The following SAMD5 variants were observed in gnomAD, a reference collection of about 807,000 sequenced individuals.
The protein encoded by SAMD5 is sterile alpha motif domain containing 5.
Under a neutral mutation model 11.3 loss-of-function variants are expected in SAMD5, and 13 were observed. The observed-to-expected ratio is 1.15, with a 90% CI of 0.75 to 1.83. The LOEUF is 1.83. Among genes scored for constraint, SAMD5 ranks in the 40% most tolerant of loss-of-function variants. The pLI, the probability that SAMD5 is intolerant of heterozygous loss-of-function variation, is 0.00. For missense variants in SAMD5, 255 were observed against 239.1 expected (o/e 1.07, Z -0.44); for synonymous variants, 129 against 111.3 (o/e 1.16, Z -1.00).
chr6:147,778,120 T>A, the SAMD5 span, among the ~76,000 whole-genome samples: 1 of 152,332 alleles, frequency 6.6e-6, no homozygotes, highest in African/African-American at 2.4e-5. Context: ...CTTCTGTACA[T>A]CCTAACAATT....
the SAMD5 span, among the ~76,000 whole-genome samples, chr6:147,757,242 T>C: frequency 6.6e-6 from 1 of 152,276 alleles, no homozygotes; most frequent in South Asian, 2.1e-4. Flanking sequence ...TCATATAAAG[T>C]TAAATGTAAT....
At chr6:147,611,433 C>T (rs113500737) in intron 1 of SAMD5, among the ~76,000 whole-genome samples, 2,187 of 151,886 alleles carry the variant, frequency 0.014, 53 homozygotes, top group African/African-American at 0.049. Context: ...CATGGTGGTG[C>T]GCGCCTGTAA....
Position 147,568,196 on chromosome 6 carries a change from A to T in SAMD5, c.*3740A>T. On this transcript the variant is annotated 3_prime_UTR_variant, in exon 2 of 2. Transcript: ENST00000367474. ...ATCCAACCAAGATACAAAGCAGATGATGGTGGATCGGCAAACTCTTTTCTA... is the reference window on the plus strand; with the variant it reads ...ATCCAACCAAGATACAAAGCAGATGTTGGTGGATCGGCAAACTCTTTTCTA... The T allele has an allele frequency of 3.0e-6, 3 of 985,370 alleles. No homozygotes were observed. The highest frequency in any genetic ancestry group is 3.6e-6 in the Non-Finnish European group (3 of 829,912). The allele number at this position is 985,370 out of a possible 1,614,324, so 61.0% of individuals were successfully genotyped here. A position where few individuals can be genotyped will look rare whatever the true frequency, so the allele number is the denominator to read the frequency against.
the SAMD5 span, among the ~76,000 whole-genome samples, chr6:147,774,339 G>A: frequency 6.6e-6 from 1 of 152,020 alleles, no homozygotes; most frequent in Non-Finnish European, 1.5e-5. Context: ...GTGTAATTAT[G>A]CAATAAAGGC....
chr6:147,770,217 G>A, the SAMD5 span, among the ~76,000 whole-genome samples: 1 of 152,034 alleles, frequency 6.6e-6, no homozygotes, highest in African/African-American at 2.4e-5. Context: ...GGTTATCTTG[G>A]TCCCTGCTGC....
intron 1 of SAMD5, among the ~76,000 whole-genome samples, chr6:147,601,637 G>A (rs1789616715): frequency 6.6e-6 from 1 of 152,120 alleles, no homozygotes; most frequent in Non-Finnish European, 1.5e-5. Context: ...ATAATGCTCA[G>A]TCCTGGTCAT....
chr6:147,626,345 G>A (rs980725318), intron 1 of SAMD5, among the ~76,000 whole-genome samples: 2 of 151,202 alleles, frequency 1.3e-5, no homozygotes, highest in Non-Finnish European at 2.9e-5. Context: ...ACTGCTAGAG[G>A]CACCGTTAAA....
At chr6:147,821,295 G>A in the SAMD5 span, among the ~76,000 whole-genome samples, 1 of 152,160 alleles carries the variant, frequency 6.6e-6, no homozygotes, top group Non-Finnish European at 1.5e-5. Flanking sequence ...TTTGTTTTGA[G>A]TAGATGTCTT....
chr6:147,678,824 A>G (rs1043770840), intron 1 of SAMD5, among the ~76,000 whole-genome samples: 2 of 152,174 alleles, frequency 1.3e-5, no homozygotes, highest in Non-Finnish European at 2.9e-5. Context: ...TTGTCATACA[A>G]TAAACTGCAC....
the SAMD5 span, among the ~76,000 whole-genome samples, chr6:147,943,462 G>A: frequency 2.0e-4 from 31 of 151,720 alleles, no homozygotes; most frequent in African/African-American, 7.3e-4. Flanking sequence ...CAAAACCCAC[G>A]GCATCCTTCC....
intron 1 of SAMD5, among the ~76,000 whole-genome samples, chr6:147,607,867 T>A (rs961888483): frequency 3.9e-5 from 6 of 152,080 alleles, no homozygotes; most frequent in Admixed American, 3.9e-4. Context: ...GGAGAGAATA[T>A]TATTTGCAAA....
the SAMD5 span, among the ~76,000 whole-genome samples, chr6:147,810,120 T>C: frequency 1.2e-3 from 186 of 152,362 alleles, 4 homozygotes; most frequent in Non-Finnish European, 1.9e-4. Context: ...GATTTGTTTT[T>C]CTAGAAGACC....
At chr6:147,872,183 G>C in the SAMD5 span, among the ~76,000 whole-genome samples, 2 of 152,112 alleles carry the variant, frequency 1.3e-5, no homozygotes, top group Non-Finnish European at 2.9e-5. Flanking sequence ...ACAGCTCACT[G>C]TAACCTTGAA....
At chr6:147,827,565 G>C in the SAMD5 span, among the ~76,000 whole-genome samples, 4 of 152,144 alleles carry the variant, frequency 2.6e-5, no homozygotes, top group Admixed American at 2.6e-4. Context: ...TGGAGCCCGA[G>C]CCAAGATTTT....
Position 147,569,602 on chromosome 6 carries a change from A to T in SAMD5, c.*5146A>T. ...ATGCTGTGTTAAATATCTCCAGGGC[A>T]AAGTGGTATGTTGACTGGGACAAAC... On this transcript the variant is annotated 3_prime_UTR_variant, in exon 2 of 2. Coordinates refer to ENST00000367474, the MANE Select transcript of SAMD5 (RefSeq NM_001030060.3). 1 of 984,648 alleles carries T rather than the reference A, an allele frequency of 1.0e-6. No homozygotes were observed. Among genetic ancestry groups the T allele is most frequent in the Non-Finnish European group, 1.2e-6 (1 of 829,182 alleles). The allele number at this position is 984,648 out of a possible 1,614,324, so 61.0% of individuals were successfully genotyped here.
At chr6:147,888,267 G>A in the SAMD5 span, among the ~76,000 whole-genome samples, 444 of 152,044 alleles carry the variant, frequency 2.9e-3, 1 homozygote, top group African/African-American at 0.01. Context: ...TTATAAATTT[G>A]TGTAAATCAC....
intron 1 of SAMD5, among the ~76,000 whole-genome samples, chr6:147,712,825 C>A (rs554046741): frequency 1.8e-3 from 258 of 143,796 alleles, no homozygotes; most frequent in Non-Finnish European, 2.7e-3. Flanking sequence ...AAAAAAAAGT[C>A]TGTTGTTTAA....
the SAMD5 span, among the ~76,000 whole-genome samples, chr6:147,830,251 C>CTTTTTTTTT: frequency 9.3e-4 from 79 of 84,926 alleles, no homozygotes; most frequent in East Asian, 1.1e-3. Context: ...TTCTTTCTTT[C>CTTTTTTTTT]TTTTTTTTTT....
intron 1 of SAMD5, among the ~76,000 whole-genome samples, chr6:147,597,207 T>C (rs1789545104): frequency 6.6e-6 from 1 of 152,212 alleles, no homozygotes; most frequent in African/African-American, 2.4e-5. Flanking sequence ...GTAGGGTTAT[T>C]AATCCAAACA....
Sources: gnomAD v4.1 joint callset for allele counts (sites outside exome capture counted in the v4.1 genomes callset) on GRCh38, gnomAD v4.1.1 for gene constraint, MANE v1.5 for transcripts, NCBI Gene and HGNC (gene_info 2026-07-23, HGNC 2026-07-21) for gene names.